SH3RF3: variants seen among roughly 807,000 people sequenced by gnomAD.
SH3RF3 encodes SH3 domain containing ring finger 3, also known as E3 ubiquitin-protein ligase SH3RF3.
Under a neutral mutation model 66.3 loss-of-function variants are expected in SH3RF3, and 29 were observed. The observed-to-expected ratio is 0.44, with a 90% CI of 0.33 to 0.60. SH3RF3 has a LOEUF of 0.60. SH3RF3 is among the 20% of genes least tolerant of loss of function. The pLI, the probability that SH3RF3 is intolerant of heterozygous loss-of-function variation, is 0.04. For missense variants in SH3RF3, 1,194 were observed against 1,190.9 expected, an observed-to-expected ratio of 1.00 and a Z score of -0.04; for synonymous variants, 583 against 532.0, an observed-to-expected ratio of 1.10 and a Z score of -1.32.
intron 2 of SH3RF3, among the ~76,000 whole-genome samples, chr2:109,364,465 C>T (rs1683119422): frequency 6.6e-6 from 1 of 152,224 alleles, no homozygotes; most frequent in Admixed American, 6.5e-5. Context: ...GTTGCCACAT[C>T]TCAATCTGGT....
At chr2:109,495,516 A>G in intron 9 of SH3RF3, among the ~76,000 whole-genome samples, 1 of 76,922 alleles carries the variant, frequency 1.3e-5, no homozygotes, top group Non-Finnish European at 2.2e-5. Context: ...TTTTGAGACA[A>G]AGTCTCACTC....
At chr2:109,259,141 C>A (rs939197204) in intron 1 of SH3RF3, among the ~76,000 whole-genome samples, 1 of 152,234 alleles carries the variant, frequency 6.6e-6, no homozygotes. Context: ...CAACATGCCA[C>A]GCGGCTTGTG....
At chr2:109,344,139 G>T (rs12470895) in intron 1 of SH3RF3, among the ~76,000 whole-genome samples, 23,845 of 152,182 alleles carry the variant, frequency 0.16, 1,966 homozygotes, top group Middle Eastern at 0.23. Flanking sequence ...ATATAGAGGG[G>T]ACCTGCTACG....
At chr2:109,351,564 G>C (rs1009848621) in intron 2 of SH3RF3, among the ~76,000 whole-genome samples, 12 of 152,220 alleles carry the variant, frequency 7.9e-5, no homozygotes, top group African/African-American at 2.9e-4. Flanking sequence ...CATTGTGGTC[G>C]CCTTGCCAGG....
At chr2:109,179,655 C>T (rs1678028446) in intron 1 of SH3RF3, among the ~76,000 whole-genome samples, 1 of 152,142 alleles carries the variant, frequency 6.6e-6, no homozygotes, top group South Asian at 2.1e-4. Context: ...AATGTGCTAG[C>T]TAAGGTCTCT....
At chr2:109,404,607 A>T (rs1676407139) in intron 4 of SH3RF3, among the ~76,000 whole-genome samples, 1 of 152,124 alleles carries the variant, frequency 6.6e-6, no homozygotes, top group African/African-American at 2.4e-5. Context: ...CCACGGGCAC[A>T]CAGGGCCTGG....
intron 1 of SH3RF3, among the ~76,000 whole-genome samples, chr2:109,218,435 C>T (rs1397679202): frequency 6.6e-5 from 10 of 152,128 alleles, no homozygotes; most frequent in Non-Finnish European, 1.0e-4. Context: ...CTTAACAAAA[C>T]GAGCTTCAGT....
chr2:109,380,850 G>GA (rs1470315183), intron 3 of SH3RF3, among the ~76,000 whole-genome samples: 2 of 152,216 alleles, frequency 1.3e-5, no homozygotes, highest in African/African-American at 4.8e-5. Flanking sequence ...CGATGCTGGA[G>GA]AGCCAGACAC....
intron 9 of SH3RF3, among the ~76,000 whole-genome samples, chr2:109,493,750 C>T (rs1002498143): frequency 2.0e-5 from 3 of 151,988 alleles, no homozygotes; most frequent in Non-Finnish European, 2.9e-5. Context: ...CAGACACACA[C>T]ACTGCACACC....
intron 1 of SH3RF3, among the ~76,000 whole-genome samples, chr2:109,336,138 C>A (rs1028591011): frequency 6.6e-6 from 1 of 152,144 alleles, no homozygotes; most frequent in Non-Finnish European, 1.5e-5. Context: ...TATTTAATAT[C>A]TTAAAGAAAG....
intron 1 of SH3RF3, among the ~76,000 whole-genome samples, chr2:109,205,663 C>G (rs1381700183): frequency 6.6e-6 from 1 of 152,184 alleles, no homozygotes; most frequent in Non-Finnish European, 1.5e-5. Context: ...CTGTTGGTGT[C>G]AGGGTCTGCA....
chr2:109,185,116 A>G (rs186189995), intron 1 of SH3RF3, among the ~76,000 whole-genome samples: 126 of 152,296 alleles, frequency 8.3e-4, no homozygotes, highest in African/African-American at 2.9e-3. Flanking sequence ...AGAGTGGAAT[A>G]TATTCATTTG....
intron 1 of SH3RF3, among the ~76,000 whole-genome samples, chr2:109,305,387 G>A (rs907417040): frequency 6.6e-6 from 1 of 152,004 alleles, no homozygotes; most frequent in Non-Finnish European, 1.5e-5. Flanking sequence ...CAGGTGTCTC[G>A]GGGCAATCAA....
intron 7 of SH3RF3, among the ~76,000 whole-genome samples, chr2:109,444,219 C>T (rs560478070): frequency 6.6e-6 from 1 of 152,254 alleles, no homozygotes; most frequent in East Asian, 1.9e-4. Flanking sequence ...TGAAAAAGAA[C>T]AGTGAACTTG....
intron 8 of SH3RF3, among the ~76,000 whole-genome samples, chr2:109,481,924 G>A (rs1335350727): frequency 3.9e-5 from 6 of 152,162 alleles, no homozygotes; most frequent in Admixed American, 3.3e-4. Context: ...GGTAATGGTC[G>A]TTGTATGTGA....
rs191135591 is a variant in SH3RF3 at position 109,228,038 on chromosome 2, A to G, written c.573+97925A>G. Among the ~76,000 whole-genome samples the G allele has an allele frequency of 1.5e-4, 23 of 152,168 alleles. No individual in the cohort carries two copies. In the East Asian group the frequency reaches 4.3e-3, roughly 28 times the overall value. On this transcript the variant is annotated intron_variant, in intron 1 of 9. Transcript: ENST00000309415. ...TAGTTCAGTGTTTTCCTTTATTTGT[A>G]GGAAAGTGATGCCCAGACACAGGTA...
chr2:109,129,407 C>T lies in SH3RF3; in HGVS notation c.-134C>T, dbSNP rs984597136. 2.1e-6 allele frequency: 3 copies of T among 1,423,866 alleles called. No homozygotes were observed. The highest frequency in any genetic ancestry group is 2.8e-5 in the East Asian group (1 of 35,592). The allele number at this position is 1,423,866 out of a possible 1,614,324, so 88.2% of individuals were successfully genotyped here. A position where few individuals can be genotyped will look rare whatever the true frequency, so the allele number is the denominator to read the frequency against. ...CTTCGCACCGCCACAGCCCTAGCAT[C>T]GGGCCACCAGCCGGGGTGAAGAAAG... is the stretch of plus-strand genomic sequence containing the variant. On this transcript the variant is annotated 5_prime_UTR_variant, in exon 1 of 10. Coordinates refer to ENST00000309415, the MANE Select transcript of SH3RF3 (RefSeq NM_001099289.3).
At chr2:109,435,428 C>T (rs1677373123) in intron 6 of SH3RF3, among the ~76,000 whole-genome samples, 1 of 152,240 alleles carries the variant, frequency 6.6e-6, no homozygotes, top group Admixed American at 6.5e-5. Flanking sequence ...CTACTCCTTC[C>T]TGCATAGACC....
intron 1 of SH3RF3, among the ~76,000 whole-genome samples, chr2:109,164,687 G>A (rs1343097815): frequency 1.3e-5 from 2 of 152,132 alleles, no homozygotes; most frequent in African/African-American, 4.8e-5. Context: ...CAGTTTCCAA[G>A]GTGTAAATAC....
Sources: gnomAD v4.1 joint callset for allele counts (sites outside exome capture counted in the v4.1 genomes callset) on GRCh38, gnomAD v4.1.1 for gene constraint, MANE v1.5 for transcripts, NCBI Gene and HGNC (gene_info 2026-07-23, HGNC 2026-07-21) for gene names.